The following SUZ12 variants were observed in gnomAD, a reference collection of about 807,000 sequenced individuals.
The protein encoded by SUZ12 is polycomb protein SUZ12.
A neutral mutation model predicts 87.3 loss-of-function variants in SUZ12; 17 were observed. The ratio of observed to expected loss-of-function variants is 0.19; its 90% CI spans 0.13 to 0.29. SUZ12 has a LOEUF of 0.29. SUZ12 is among the 10% of genes least tolerant of loss of function. The pLI, the probability that SUZ12 is intolerant of heterozygous loss-of-function variation, is 1.00. For synonymous variants in SUZ12, 253 were observed against 312.4 expected (o/e 0.81, Z 2.01); for missense variants, 526 against 912.2 (o/e 0.58, Z 5.45).
chr17:31,948,452 A>T (rs1260367719), intron 4 of SUZ12, among the ~76,000 whole-genome samples: 1 of 152,192 alleles, frequency 6.6e-6, no homozygotes, highest in Non-Finnish European at 1.5e-5. Flanking sequence ...TAGATTCTTG[A>T]AAAAATAGAG....
chr17:31,983,274 C>CT (rs10681815), intron 9 of SUZ12, among the ~76,000 whole-genome samples, 170 bp downstream of exon 9: 4,014 of 118,136 alleles, frequency 0.034, 205 homozygotes, highest in African/African-American at 0.11. Flanking sequence ...AGGTATCATT[C>CT]TTTTTTTTTT....
chr17:31,974,189 G>A (rs1179730844), intron 6 of SUZ12, among the ~76,000 whole-genome samples: 2 of 151,410 alleles, frequency 1.3e-5, no homozygotes, highest in Non-Finnish European at 2.9e-5. Context: ...CAGCCTGTGC[G>A]ACAGAGTGAA....
At chr17:31,979,199 A>G (rs1908952249) in intron 8 of SUZ12, among the ~76,000 whole-genome samples, 1 of 151,192 alleles carries the variant, frequency 6.6e-6, no homozygotes, top group African/African-American at 2.4e-5. Flanking sequence ...TCTAGATTGT[A>G]TCTGTTGTTA....
chr17:31,949,878 T>C (rs1334355469), intron 4 of SUZ12, among the ~76,000 whole-genome samples: 1 of 151,892 alleles, frequency 6.6e-6, no homozygotes, highest in Non-Finnish European at 1.5e-5. Flanking sequence ...AAACAGAGTT[T>C]CACCATGTTG....
chr17:31,965,904 G>A (rs1567823490), intron 4 of SUZ12: 1 of 341,638 alleles, frequency 2.9e-6, no homozygotes, highest in East Asian at 4.7e-5. Flanking sequence ...TTGTGGTTTT[G>A]TTCTTACTTT....
At chr17:31,951,836 G>A (rs867593231) in intron 4 of SUZ12, among the ~76,000 whole-genome samples, 14 of 147,482 alleles carry the variant, frequency 9.5e-5, no homozygotes, top group African/African-American at 3.0e-4. Flanking sequence ...GTGTAGTGGT[G>A]CGATCTTGGC....
chr17:31,975,840 C>G (rs1908715136), intron 7 of SUZ12, 127 bp downstream of exon 7: 2 of 728,536 alleles, frequency 2.7e-6, no homozygotes, highest in Non-Finnish European at 4.3e-6. Flanking sequence ...TCACCTCCAC[C>G]TCAACATTTT....
chr17:31,983,275 T>TTTG (rs1491537073), intron 9 of SUZ12, among the ~76,000 whole-genome samples, 171 bp downstream of exon 9: 48 of 77,606 alleles, frequency 6.2e-4, no homozygotes, highest in African/African-American at 2.7e-3. Flanking sequence ...GGTATCATTC[T>TTTG]TTTTTTTTTT....
intron 10 of SUZ12, among the ~76,000 whole-genome samples, chr17:31,989,831 G>T (rs907502831): frequency 6.7e-6 from 1 of 148,258 alleles, no homozygotes; most frequent in South Asian, 2.1e-4. Flanking sequence ...GGATGGTCTC[G>T]ATCTCCTGAC....
chr17:31,976,150 A>G (rs1296143219), intron 7 of SUZ12, among the ~76,000 whole-genome samples: 1 of 152,026 alleles, frequency 6.6e-6, no homozygotes, highest in African/African-American at 2.4e-5. Flanking sequence ...TTGCAGCAAA[A>G]TGATGAGTGC....
intron 4 of SUZ12, among the ~76,000 whole-genome samples, chr17:31,960,771 G>T (rs1907662142): frequency 6.6e-6 from 1 of 152,004 alleles, no homozygotes; most frequent in Non-Finnish European, 1.5e-5. Context: ...TAGAGACAAG[G>T]TTTCACCATG....
intron 10 of SUZ12, among the ~76,000 whole-genome samples, chr17:31,989,073 A>C (rs952913016): frequency 3.9e-5 from 6 of 151,930 alleles, no homozygotes; most frequent in Non-Finnish European, 8.8e-5. Context: ...ATCTCAAAAA[A>C]AATAAATAAA....
At chr17:31,979,571 A>G (rs1464715128) in intron 8 of SUZ12, among the ~76,000 whole-genome samples, 2 of 152,138 alleles carry the variant, frequency 1.3e-5, no homozygotes, top group East Asian at 1.9e-4. Context: ...ATGTATCTCA[A>G]TTAGGACTTC....
At chr17:31,961,029 T>A (rs74457257) in intron 4 of SUZ12, among the ~76,000 whole-genome samples, 1 of 151,814 alleles carries the variant, frequency 6.6e-6, no homozygotes, top group Non-Finnish European at 1.5e-5. Flanking sequence ...CTGGGCAATA[T>A]GACGAAACCT....
At chr17:31,991,627 C>T (rs931980762) in intron 10 of SUZ12, among the ~76,000 whole-genome samples, 1 of 151,832 alleles carries the variant, frequency 6.6e-6, no homozygotes, top group Non-Finnish European at 1.5e-5. Context: ...TTTTTGGAGA[C>T]GGAGTCTTGC....
intron 4 of SUZ12, among the ~76,000 whole-genome samples, chr17:31,953,407 G>C (rs1365348862): frequency 6.6e-6 from 1 of 152,074 alleles, no homozygotes; most frequent in Non-Finnish European, 1.5e-5. Flanking sequence ...CACCATGCCT[G>C]GCTTTATTTT....
intron 5 of SUZ12, among the ~76,000 whole-genome samples, chr17:31,970,121 A>G (rs1908328545): frequency 6.6e-6 from 1 of 152,132 alleles, no homozygotes; most frequent in South Asian, 2.1e-4. Context: ...GGCAATTACT[A>G]CTTGAAACTG....
chr17:31,956,847 A>G (rs1268108508), intron 4 of SUZ12, among the ~76,000 whole-genome samples: 2 of 151,772 alleles, frequency 1.3e-5, no homozygotes, highest in African/African-American at 4.8e-5. Flanking sequence ...GCCATCTAGG[A>G]TCACTGCAAC....
chr17:31,939,625 G>C (rs1485938681), intron 1 of SUZ12, among the ~76,000 whole-genome samples: 1 of 151,804 alleles, frequency 6.6e-6, no homozygotes, highest in Non-Finnish European at 1.5e-5. Context: ...CCAGGTTCAA[G>C]TGATTCTCCT....
Sources: allele counts gnomAD v4.1 joint callset (sites outside exome capture counted in the v4.1 genomes callset), GRCh38; gene constraint gnomAD v4.1.1; transcripts MANE v1.5; gene names NCBI Gene and HGNC (gene_info 2026-07-23, HGNC 2026-07-21).